Variants in LRRTM3 observed in about 807,000 individuals in gnomAD.
LRRTM3 encodes leucine-rich repeat transmembrane neuronal protein 3.
Under a neutral mutation model 44.7 loss-of-function variants are expected in LRRTM3, and 24 were observed. The observed-to-expected ratio is 0.54, with a 90% CI of 0.39 to 0.76. LRRTM3 has a LOEUF of 0.76. Among genes scored for constraint, LRRTM3 ranks in the 30% least tolerant of loss-of-function variants. LRRTM3 has a pLI of 0.00. For synonymous variants in LRRTM3, 277 were observed against 278.7 expected, an observed-to-expected ratio of 0.99 and a Z score of 0.06; for missense variants, 587 against 702.2, an observed-to-expected ratio of 0.84 and a Z score of 1.85.
chr10:67,074,443 CG>C (rs1856639915), intron 2 of LRRTM3, among the ~76,000 whole-genome samples: 1 of 147,314 alleles, frequency 6.8e-6, no homozygotes, highest in South Asian at 2.2e-4. Flanking sequence ...CTCCACCTCC[CG>C]GGTTCACGCC....
At chr10:66,974,847 T>C (rs1849939907) in intron 2 of LRRTM3, among the ~76,000 whole-genome samples, 1 of 152,104 alleles carries the variant, frequency 6.6e-6, no homozygotes, top group African/African-American at 2.4e-5. Flanking sequence ...TTCATCTATA[T>C]TTAGTTGAGT....
chr10:67,065,708 TAGATAAAAAACTA>T (rs956256736), intron 2 of LRRTM3, among the ~76,000 whole-genome samples: 1 of 152,092 alleles, frequency 6.6e-6, no homozygotes, highest in Admixed American at 6.5e-5. Context: ...TCCAAGGTCC[TAGATAAAAAACTA>T]AGCCACACGA....
chr10:67,067,513 A>C (rs1589689663), intron 2 of LRRTM3, among the ~76,000 whole-genome samples: 1 of 152,238 alleles, frequency 6.6e-6, no homozygotes. Context: ...TCAGATCAGA[A>C]ATATGTGCAT....
chr10:66,970,958 T>C (rs996667333), intron 2 of LRRTM3, among the ~76,000 whole-genome samples: 1 of 152,226 alleles, frequency 6.6e-6, no homozygotes, highest in South Asian at 2.1e-4. Flanking sequence ...CTATTAATTG[T>C]GCCAGGATTT....
intron 2 of LRRTM3, among the ~76,000 whole-genome samples, chr10:67,017,554 A>T (rs1322052462): frequency 1.3e-5 from 2 of 152,176 alleles, no homozygotes; most frequent in Non-Finnish European, 2.9e-5. Flanking sequence ...CCTTTAAGAA[A>T]TATACTGTGA....
In LRRTM3 at chr10:66,926,418, C is replaced by A; in HGVS notation, c.-166C>A. ...TTCTTGGAGTGTTCTGCGTGGCTGG[C>A]AAAGAATAATGTTCCAAAATCGGTC... On this transcript the variant is annotated 5_prime_UTR_variant, in exon 1 of 3. Coordinates refer to ENST00000361320, the MANE Select transcript of LRRTM3 (RefSeq NM_178011.5). 1 of 715,208 alleles carries A rather than the reference C, an allele frequency of 1.4e-6. No individual in the cohort carries two copies. The highest frequency in any genetic ancestry group is 2.5e-6 in the Non-Finnish European group (1 of 402,372). The allele number at this position is 715,208 out of a possible 1,614,324, so 44.3% of individuals were successfully genotyped here.
intron 2 of LRRTM3, among the ~76,000 whole-genome samples, chr10:67,073,282 A>G (rs1856562935): frequency 6.6e-6 from 1 of 152,206 alleles, no homozygotes; most frequent in Non-Finnish European, 1.5e-5. Flanking sequence ...TTAAAACTCT[A>G]TTGACACAAA....
At position 66,927,084 on chromosome 10, in the gene LRRTM3, C is replaced by G; in HGVS notation, c.168C>G (p.Pro56=). ...YCESQKLQEI[P]SSISAGCLGL... is the part of the protein sequence containing the mutation. ...AATCTCAGAAATTACAGGAGATACC[C>G]TCAAGTATATCTGCTGGTTGCTTAG... Residue 56 remains proline, a synonymous_variant, in exon 2 of 3, where the codon CCC becomes CCG. Transcript: ENST00000361320. The surrounding 1 kb of genome is among the most constrained non-coding windows in gnomAD (Gnocchi z 4.7). 6.2e-7 allele frequency: 1 copy of G among 1,614,142 alleles called. No homozygotes were observed. The highest frequency in any genetic ancestry group is 8.5e-7 in the Non-Finnish European group (1 of 1,180,032).
intron 2 of LRRTM3, among the ~76,000 whole-genome samples, chr10:67,060,329 A>T (rs528367020): frequency 1.4e-4 from 22 of 152,270 alleles, no homozygotes; most frequent in Non-Finnish European, 1.3e-4. Context: ...AAGTCTTTTT[A>T]AAAAAATTCT....
intron 2 of LRRTM3, among the ~76,000 whole-genome samples, chr10:67,017,583 C>T (rs1468112566): frequency 6.6e-6 from 1 of 152,122 alleles, no homozygotes; most frequent in Non-Finnish European, 1.5e-5. Context: ...CTTGCAGTAA[C>T]AGAAACTCAT....
chr10:66,987,105 G>T (rs542102848), intron 2 of LRRTM3, among the ~76,000 whole-genome samples: 1 of 152,302 alleles, frequency 6.6e-6, no homozygotes, highest in South Asian at 2.1e-4. Context: ...TAGCATTTTA[G>T]AGGACAGCAA....
At chr10:67,075,824 C>T (rs906955339) in intron 2 of LRRTM3, among the ~76,000 whole-genome samples, 2 of 152,186 alleles carry the variant, frequency 1.3e-5, no homozygotes, top group African/African-American at 4.8e-5. Context: ...GCATGATAAG[C>T]AACACAGGAA....
At chr10:67,066,624 A>C (rs1462184426) in intron 2 of LRRTM3, among the ~76,000 whole-genome samples, 1 of 135,810 alleles carries the variant, frequency 7.4e-6, no homozygotes, top group Non-Finnish European at 1.6e-5. Flanking sequence ...GCTACACTGA[A>C]ACCCCACATC....
intron 2 of LRRTM3, among the ~76,000 whole-genome samples, chr10:66,995,480 C>T (rs1177338236): frequency 6.6e-6 from 1 of 152,194 alleles, no homozygotes; most frequent in Non-Finnish European, 1.5e-5. Flanking sequence ...AAACATTCAC[C>T]AAGTGATCTT....
At chr10:67,060,026 C>T (rs1564862428) in intron 2 of LRRTM3, among the ~76,000 whole-genome samples, 1 of 151,892 alleles carries the variant, frequency 6.6e-6, no homozygotes, top group Non-Finnish European at 1.5e-5. Flanking sequence ...ATAAAAATGT[C>T]TTTTTTAGGC....
At chr10:67,026,632 G>T (rs768100966) in intron 2 of LRRTM3, among the ~76,000 whole-genome samples, 2 of 152,076 alleles carry the variant, frequency 1.3e-5, no homozygotes, top group Non-Finnish European at 2.9e-5. Context: ...CATATTGAAG[G>T]AAAAGGAGCT....
At chr10:67,054,303 TA>T (rs1235069107) in intron 2 of LRRTM3, among the ~76,000 whole-genome samples, 1 of 152,122 alleles carries the variant, frequency 6.6e-6, no homozygotes, top group Non-Finnish European at 1.5e-5. Flanking sequence ...ACATGTAGAA[TA>T]AAAGTACTGA....
chr10:67,061,950 T>TA (rs201000620), intron 2 of LRRTM3, among the ~76,000 whole-genome samples: 1,429 of 110,866 alleles, frequency 0.013, 24 homozygotes, highest in African/African-American at 0.049. Flanking sequence ...TTATTTACTG[T>TA]AAAAAAAATC....
chr10:67,073,360 C>T (rs1295353385), intron 2 of LRRTM3, among the ~76,000 whole-genome samples: 1 of 152,102 alleles, frequency 6.6e-6, no homozygotes, highest in African/African-American at 2.4e-5. Flanking sequence ...TTACCTTCAA[C>T]CATATTGCTT....
Sources: gnomAD v4.1 joint callset for allele counts (sites outside exome capture counted in the v4.1 genomes callset) on GRCh38, gnomAD v4.1.1 for gene constraint, Gnocchi (gnomAD v3.1) non-coding constraint, MANE v1.5 for transcripts, NCBI Gene and HGNC (gene_info 2026-07-23, HGNC 2026-07-21) for gene names.